Variants in SLC26A7 observed in about 807,000 individuals in gnomAD.
SLC26A7 encodes solute carrier family 26 member 7, also known as anion exchange transporter.
Under a neutral mutation model 82.5 loss-of-function variants are expected in SLC26A7, and 59 were observed. The ratio of observed to expected loss-of-function variants is 0.72; its 90% CI spans 0.58 to 0.89. The LOEUF (loss-of-function observed/expected upper bound fraction) is 0.89. Among genes scored for constraint, SLC26A7 ranks in the 40% least tolerant of loss-of-function variants. SLC26A7 has a pLI of 0.00. For missense variants in SLC26A7, 820 were observed against 793.0 expected (o/e 1.03, Z -0.41); for synonymous variants, 271 against 274.3 (o/e 0.99, Z 0.12).
At chr8:91,261,173 C>T (rs768206557) in intron 2 of SLC26A7, among the ~76,000 whole-genome samples, 1 of 152,050 alleles carries the variant, frequency 6.6e-6, no homozygotes, top group East Asian at 1.9e-4. Context: ...TTTAAGAATA[C>T]TAATCCATCT....
Position 91,398,127 on chromosome 8 carries a change from A to G in SLC26A7, c.*3030A>G, listed in dbSNP as rs1808622353. On this transcript the variant is annotated 3_prime_UTR_variant, in exon 19 of 19. Transcript: ENST00000276609. ...TAACAACCAATTTACATGGAAATAA[A>G]TCGAAATATGATAACTATTATGCTT... The G allele has an allele frequency of 6.6e-6, 1 of 152,564 alleles. No homozygotes were observed. The highest frequency in any genetic ancestry group is 2.4e-5 in the African/African-American group (1 of 41,448). 9.5% of individuals were successfully genotyped at this position (152,564 alleles called of 1,614,324 possible).
upstream of SLC26A7, among the ~76,000 whole-genome samples, chr8:91,247,759 C>A (rs1218095313): frequency 1.3e-5 from 2 of 151,950 alleles, no homozygotes; most frequent in African/African-American, 4.8e-5. Context: ...GAATTTAACA[C>A]AAATTTAAAA....
intron 5 of SLC26A7, among the ~76,000 whole-genome samples, chr8:91,323,386 G>A (rs990733924): frequency 1.3e-5 from 2 of 152,126 alleles, no homozygotes; most frequent in South Asian, 2.1e-4. Context: ...CTCAACCATC[G>A]TAGGCCAAAC....
At chr8:91,362,883 A>G (rs1364790598) in intron 12 of SLC26A7, among the ~76,000 whole-genome samples, 5 of 152,016 alleles carry the variant, frequency 3.3e-5, no homozygotes. Flanking sequence ...TTTCTAGATA[A>G]TTTATTGAGA....
intron 5 of SLC26A7, among the ~76,000 whole-genome samples, chr8:91,324,421 C>T (rs773206293): frequency 6.6e-6 from 1 of 152,074 alleles, no homozygotes; most frequent in Non-Finnish European, 1.5e-5. Flanking sequence ...CATGCCTGGG[C>T]AATCATGACT....
chr8:91,340,939 A>G (rs1404984062), intron 8 of SLC26A7, among the ~76,000 whole-genome samples: 1 of 152,108 alleles, frequency 6.6e-6, no homozygotes, highest in Non-Finnish European at 1.5e-5. Flanking sequence ...CAAGGGATGT[A>G]GATTATACTG....
intron 15 of SLC26A7, among the ~76,000 whole-genome samples, chr8:91,378,127 A>C: frequency 6.6e-6 from 1 of 151,932 alleles, no homozygotes; most frequent in East Asian, 1.9e-4. Flanking sequence ...TTATGGCTTT[A>C]TCACTAGGCA....
intron 4 of SLC26A7, among the ~76,000 whole-genome samples, chr8:91,316,046 G>A (rs73694624): frequency 0.02 from 2,974 of 152,230 alleles, 99 homozygotes; most frequent in African/African-American, 0.066. Flanking sequence ...TCAGATTTGA[G>A]CCCATGAAAA....
chr8:91,349,505 G>A (rs960017267), intron 9 of SLC26A7, among the ~76,000 whole-genome samples: 3 of 152,138 alleles, frequency 2.0e-5, no homozygotes, highest in Non-Finnish European at 4.4e-5. Context: ...ATTTAGTTAG[G>A]TTGTAATTTC....
At position 91,326,122 on chromosome 8, in the gene SLC26A7, T is replaced by G. The variant is rs192883230; in HGVS notation, c.642+7742T>G. ...GTACTGATCACTTGGTAATTATTAT[T>G]GAAAATGTTCTGTTTTGTTTCTTTT... is the stretch of plus-strand genomic sequence containing the variant. On this transcript the variant is annotated intron_variant, in intron 5 of 18. Coordinates refer to ENST00000276609, the MANE Select transcript of SLC26A7 (RefSeq NM_052832.4). Among the ~76,000 whole-genome samples, 125 of 152,308 alleles carry G rather than the reference T, an allele frequency of 8.2e-4. 1 individual carries two copies. The highest frequency in any genetic ancestry group is 1.6e-3 in the Non-Finnish European group (107 of 68,020).
intron 7 of SLC26A7, among the ~76,000 whole-genome samples, chr8:91,339,922 A>G (rs914911879): frequency 2.0e-5 from 3 of 152,164 alleles, no homozygotes; most frequent in Non-Finnish European, 4.4e-5. Flanking sequence ...GGATTGAGTT[A>G]AAAACATAAT....
chr8:91,325,613 G>A (rs982789461), intron 5 of SLC26A7, among the ~76,000 whole-genome samples: 14 of 152,122 alleles, frequency 9.2e-5, no homozygotes, highest in African/African-American at 2.4e-4. Context: ...AGAAGAGCTC[G>A]TATGCCTGAG....
chr8:91,307,612 A>G (rs1334414977), intron 4 of SLC26A7, among the ~76,000 whole-genome samples: 1 of 133,368 alleles, frequency 7.5e-6, no homozygotes, highest in South Asian at 2.7e-4. Context: ...GATCACATGG[A>G]CACAGGAAGG....
intron 4 of SLC26A7, among the ~76,000 whole-genome samples, chr8:91,303,327 A>G (rs1047096696): frequency 6.6e-6 from 1 of 152,110 alleles, no homozygotes; most frequent in African/African-American, 2.4e-5. Flanking sequence ...TTTTTCCAAG[A>G]GCTTTTCCAA....
chr8:91,271,487 T>G (rs1811266051), intron 2 of SLC26A7, among the ~76,000 whole-genome samples: 1 of 152,220 alleles, frequency 6.6e-6, no homozygotes, highest in African/African-American at 2.4e-5. Context: ...TCTTATATAC[T>G]TTCTTCATCT....
At chr8:91,301,623 G>T (rs1812167464) in intron 4 of SLC26A7, among the ~76,000 whole-genome samples, 1 of 151,928 alleles carries the variant, frequency 6.6e-6, no homozygotes, top group South Asian at 2.1e-4. Context: ...CAGGCAGCTA[G>T]TGGTTTTTCT....
rs1466237131 is a variant in SLC26A7, at chr8:91,334,368, T to TG, written c.718dup (p.Val240GlyfsTer6). The TG allele has an allele frequency of 6.2e-7, 1 of 1,613,570 alleles. No individual in the cohort carries two copies. Among genetic ancestry groups the TG allele is most frequent in the African/African-American group, 1.3e-5 (1 of 75,040 alleles). ...TTGCTTTTATCCTTGCTGAGCATTGTGGTCCTTGTTCTTGTTAAAGAGCTG... is the reference window on the plus strand; with the variant it reads ...TTGCTTTTATCCTTGCTGAGCATTGTGGGTCCTTGTTCTTGTTAAAGAGCTG... On this transcript the variant is annotated frameshift_variant, in exon 6 of 19. Coordinates refer to ENST00000276609, the MANE Select transcript of SLC26A7 (RefSeq NM_052832.4). LOFTEE classifies it high-confidence loss of function.
chr8:91,292,114 G>A (rs1811886643), intron 3 of SLC26A7, among the ~76,000 whole-genome samples: 1 of 152,036 alleles, frequency 6.6e-6, no homozygotes, highest in African/African-American at 2.4e-5. Context: ...GATCATCCTG[G>A]CTAACACGGT....
chr8:91,290,973 C>T (rs1157311773), intron 3 of SLC26A7, among the ~76,000 whole-genome samples: 2 of 152,086 alleles, frequency 1.3e-5, no homozygotes, highest in Non-Finnish European at 2.9e-5. Context: ...TTATTTCCAT[C>T]TCAGGCCTAC....
Sources: allele counts gnomAD v4.1 joint callset (sites outside exome capture counted in the v4.1 genomes callset), GRCh38; gene constraint gnomAD v4.1.1; transcripts MANE v1.5; gene names NCBI Gene and HGNC (gene_info 2026-07-23, HGNC 2026-07-21).